MAPK11: variants seen among roughly 807,000 people sequenced by gnomAD.
The protein encoded by MAPK11 is MAP kinase 11.
Under a neutral mutation model 52.2 loss-of-function variants are expected in MAPK11, and 44 were observed. The ratio of observed to expected loss-of-function variants is 0.84; its 90% CI spans 0.66 to 1.08. MAPK11 has a LOEUF of 1.08. MAPK11 is among the 50% of genes least tolerant of loss of function. MAPK11 has a pLI of 0.00. For missense variants in MAPK11, 436 were observed against 494.7 expected, an observed-to-expected ratio of 0.88 and a Z score of 1.13; for synonymous variants, 233 against 206.3, an observed-to-expected ratio of 1.13 and a Z score of -1.11.
chr22:50,266,396 C>T, intron 8 of MAPK11, 91 bp from the exon 9 acceptor site: 1 of 1,428,296 alleles, frequency 7.0e-7, no homozygotes, highest in Non-Finnish European at 9.5e-7. Flanking sequence ...AGAGCCCGCT[C>T]TCCTATAGGT....
At chr22:50,269,565 G>A (rs2065291775) in intron 1 of MAPK11, among the ~76,000 whole-genome samples, 2 of 152,224 alleles carry the variant, frequency 1.3e-5, no homozygotes, top group South Asian at 2.1e-4. Flanking sequence ...GGCTACCCGG[G>A]TCTAACAGAG....
intron 6 of MAPK11, 39 bp from the exon 7 acceptor site, chr22:50,267,087 C>T (rs1316411212): frequency 1.2e-6 from 2 of 1,611,302 alleles, no homozygotes; most frequent in Admixed American, 1.7e-5. Flanking sequence ...TCCGCACGGG[C>T]TCCGCCGCCG....
rs763905592 is a variant in MAPK11 at position 50,270,301 on chromosome 22, C to T, written c.-9G>A. The T allele has an allele frequency of 8.0e-5, 101 of 1,267,724 alleles. No homozygotes were observed. In the East Asian group the frequency reaches 3.0e-3, roughly 38 times the overall value. 78.5% of individuals were successfully genotyped at this position (1,267,724 alleles called of 1,614,324 possible). A position where few individuals can be genotyped will look rare whatever the true frequency, so the allele number is the denominator to read the frequency against. On this transcript the variant is annotated 5_prime_UTR_variant, in exon 1 of 12. Transcript: ENST00000330651. This position sits in a 1 kb window ranked among gnomAD's most constrained non-coding sequence, Gnocchi z 6.3. Reference sequence around the variant, plus strand: ...GCGCGAGGGCCCGACATGTCCGGAGCAGCCGCCGCTCCGCCCGGGCCCAGC... The same window carrying T: ...GCGCGAGGGCCCGACATGTCCGGAGTAGCCGCCGCTCCGCCCGGGCCCAGC...
At chr22:50,269,432 T>C (rs2065290686) in intron 1 of MAPK11, among the ~76,000 whole-genome samples, 1 of 152,204 alleles carries the variant, frequency 6.6e-6, no homozygotes, top group South Asian at 2.1e-4. Flanking sequence ...TAAGCGGCAT[T>C]GGCCATGGTG....
In MAPK11 at chr22:50,270,141, G is replaced by T; in HGVS notation, c.116+36C>A. 1.8e-6 allele frequency: 2 copies of T among 1,110,598 alleles called. No individual in the cohort carries two copies. The highest frequency in any genetic ancestry group is 3.4e-5 in the East Asian group (1 of 29,592). The allele number at this position is 1,110,598 out of a possible 1,614,324, so 68.8% of individuals were successfully genotyped here. A position where few individuals can be genotyped will look rare whatever the true frequency, so the allele number is the denominator to read the frequency against. Reference sequence around the variant, plus strand: ...GGGGACGCGCTCTCCGGCCCGGCCCGGCCCCCACCCAGCACCCCTTCTGCC... The same window carrying T: ...GGGGACGCGCTCTCCGGCCCGGCCCTGCCCCCACCCAGCACCCCTTCTGCC... On this transcript the variant is annotated intron_variant, in intron 1 of 11. Coordinates refer to ENST00000330651, the MANE Select transcript of MAPK11 (RefSeq NM_002751.7). This position sits in a 1 kb window ranked among gnomAD's most constrained non-coding sequence, Gnocchi z 6.3.
Position 50,266,543 on chromosome 22 carries a change from C to T in MAPK11, c.679G>A (p.Asp227Asn), listed in dbSNP as rs763646740. ...CCCCAACCTGGGCCAAGGATACAGT[C>T]GCTTCCCGGGAAGAGGGCCTTGCCC... ...LQGKALFPGSDYIDQLKRIME... is the reference protein window; with the variant it reads ...LQGKALFPGSNYIDQLKRIME... The change falls in exon 8 of 12, where the codon GAC becomes AAC. Residue 227 changes from aspartate (D) to asparagine (N), a missense_variant. By Grantham distance (23) the Asp-to-Asn change is conservative (BLOSUM62 1). Coordinates refer to ENST00000330651, the MANE Select transcript of MAPK11 (RefSeq NM_002751.7). 7 of 1,518,024 alleles carry T rather than the reference C, an allele frequency of 4.6e-6. No homozygotes were observed. In the East Asian group the frequency reaches 6.8e-5, roughly 15 times the overall value. The allele number at this position is 1,518,024 out of a possible 1,614,324, so 94.0% of individuals were successfully genotyped here. A position where few individuals can be genotyped will look rare whatever the true frequency, so the allele number is the denominator to read the frequency against.
In MAPK11 at chr22:50,264,763, GCACATGTACACA is replaced by G; in HGVS notation, c.*173_*184del. 3.5e-6 allele frequency: 2 copies of G among 569,950 alleles called. No individual in the cohort carries two copies. Among genetic ancestry groups the G allele is most frequent in the Non-Finnish European group, 6.3e-6 (2 of 317,662 alleles). The allele number at this position is 569,950 out of a possible 1,614,324, so 35.3% of individuals were successfully genotyped here. On this transcript the variant is annotated 3_prime_UTR_variant, in exon 12 of 12. Transcript: ENST00000330651. ...GTGCCCAGACTCCTACACATGGCAA[GCACATGTACACA>G]CATGTTTGTGCATGCATACATGCGT... is the stretch of plus-strand genomic sequence containing the variant.
At chr22:50,268,362 A>C (rs2147271875) in intron 1 of MAPK11, among the ~76,000 whole-genome samples, 1 of 152,312 alleles carries the variant, frequency 6.6e-6, no homozygotes, top group Middle Eastern at 3.4e-3. Context: ...CCATGGGCCC[A>C]GGAGGCTCAC....
In MAPK11 at chr22:50,267,592, C is replaced by T; in HGVS notation, c.282G>A (p.Thr94=). ...IGLLDVFTPA[T]SIEDFSEVYL... ...ACACTTCGCTGAAGTCCTCGATGGA[C>T]GTGGCCGGCGTGAAGACGTCCAGAA... Residue 94 remains threonine (T), a synonymous_variant, in exon 3 of 12, where the codon ACG becomes ACA. Transcript: ENST00000330651. 6.5e-7 allele frequency: 1 copy of T among 1,545,002 alleles called. No individual in the cohort carries two copies. Among genetic ancestry groups the T allele is most frequent in the Non-Finnish European group, 8.7e-7 (1 of 1,145,470 alleles).
Position 50,270,353 on chromosome 22 carries a change from C to T in MAPK11, c.-61G>A. ...CCGCGCCCCGCGCCCGCGCCCGAGCCGAGCCCGAGCCGAGCGGAGCGGAGG... is the reference window on the plus strand; with the variant it reads ...CCGCGCCCCGCGCCCGCGCCCGAGCTGAGCCCGAGCCGAGCGGAGCGGAGG... On this transcript the variant is annotated 5_prime_UTR_variant, in exon 1 of 12. Transcript: ENST00000330651. The surrounding 1 kb of genome is among the most constrained non-coding windows in gnomAD (Gnocchi z 6.3). 1.6e-6 allele frequency: 1 copy of T among 620,278 alleles called. No homozygotes were observed. The highest frequency in any genetic ancestry group is 8.9e-5 in the East Asian group (1 of 11,258). 38.4% of individuals were successfully genotyped at this position (620,278 alleles called of 1,614,324 possible). A position where few individuals can be genotyped will look rare whatever the true frequency, so the allele number is the denominator to read the frequency against.
chr22:50,267,036 C>T lies in MAPK11; in HGVS notation c.508G>A (p.Gly170Arg), dbSNP rs780471725. 3 of 1,612,078 alleles carry T rather than the reference C, an allele frequency of 1.9e-6. No homozygotes were observed. The highest frequency in any genetic ancestry group is 1.1e-5 in the South Asian group (1 of 91,072). Residue 170 changes from glycine (G) to arginine (R), a missense_variant, in exon 7 of 12, where the codon GGG becomes AGG. Gly to Arg is a moderately radical substitution (Grantham distance 125). Transcript: ENST00000330651. ...EDCELRILDF[G>R]LARQADEEMT... Reference sequence around the variant, plus strand: ...TCCTCGTCCGCCTGGCGCGCCAGCCCAAAATCCAGGATCTGGGGCGACCAC... The same window carrying T: ...TCCTCGTCCGCCTGGCGCGCCAGCCTAAAATCCAGGATCTGGGGCGACCAC...
chr22:50,264,874 G>A lies in MAPK11; in HGVS notation c.*74C>T. 4.7e-6 allele frequency: 6 copies of A among 1,280,102 alleles called. No homozygotes were observed. The highest frequency in any genetic ancestry group is 1.1e-6 in the Non-Finnish European group (1 of 909,416). The allele number at this position is 1,280,102 out of a possible 1,614,324, so 79.3% of individuals were successfully genotyped here. Reference sequence around the variant, plus strand: ...TAGGAGTGTGGGAGGTGCCTCTCGAGGAAACCAGGCCAGCTGTGGAAGGGT... The same window carrying A: ...TAGGAGTGTGGGAGGTGCCTCTCGAAGAAACCAGGCCAGCTGTGGAAGGGT... On this transcript the variant is annotated 3_prime_UTR_variant, in exon 12 of 12. Transcript: ENST00000330651.
Position 50,265,417 on chromosome 22 carries a change from A to T in MAPK11, c.919T>A (p.Tyr307Asn). The change falls in exon 11 of 12, where the codon TAC (tyrosine) becomes AAC (asparagine). Residue 307 changes from tyrosine to asparagine, a missense_variant. Physicochemically the swap from Tyr to Asn is moderately radical, Grantham distance 143 (BLOSUM62 -2). Coordinates refer to ENST00000330651, the MANE Select transcript of MAPK11 (RefSeq NM_002751.7). ...VSAAEALAHA[Y>N]FSQYHDPEDE... ...TCGGGGTCGTGGTACTGGCTGAAGT[A>T]GGCGTGGGCCAGTGCCTCAGCTGCA... 2 of 1,613,142 alleles carry T rather than the reference A, an allele frequency of 1.2e-6. No homozygotes were observed. The highest frequency in any genetic ancestry group is 1.7e-6 in the Non-Finnish European group (2 of 1,180,000).
intron 11 of MAPK11, 59 bp downstream of exon 11, chr22:50,265,262 C>T: frequency 6.3e-7 from 1 of 1,587,920 alleles, no homozygotes; most frequent in Non-Finnish European, 8.6e-7. Flanking sequence ...CATTTCCTGC[C>T]TCTGGGGAAA....
chr22:50,266,152 C>A, intron 9 of MAPK11, 74 bp downstream of exon 9: 1 of 1,282,744 alleles, frequency 7.8e-7, no homozygotes, highest in Non-Finnish European at 1.1e-6. Flanking sequence ...CGCATTTCCA[C>A]ACCACCCTCT....
At chr22:50,266,892 G>A (rs751497400) in intron 7 of MAPK11, 42 bp downstream of exon 7, 10 of 1,556,860 alleles carry the variant, frequency 6.4e-6, no homozygotes, top group South Asian at 1.1e-5. Context: ...AGGGCCAGAC[G>A]AGGCCCTTGG....
intron 1 of MAPK11, among the ~76,000 whole-genome samples, chr22:50,269,343 C>A (rs1349464426): frequency 2.0e-5 from 3 of 152,040 alleles, no homozygotes; most frequent in Admixed American, 1.3e-4. Context: ...CACTTCCAAC[C>A]TGCAAGTGCC....
chr22:50,267,250 C>G lies in MAPK11; in HGVS notation c.447+7G>C, dbSNP rs1235529430. ...GGACCCGACCCTCACCCTGCGGTCG[C>G]ACCTACCCGGTGGATGATCCCGGCC... On this transcript the variant is annotated splice_region_variant and intron_variant, in intron 5 of 11. Transcript: ENST00000330651. 6.2e-7 allele frequency: 1 copy of G among 1,607,326 alleles called. No individual in the cohort carries two copies. Among genetic ancestry groups the G allele is most frequent in the Non-Finnish European group, 8.5e-7 (1 of 1,178,566 alleles).
chr22:50,268,547 G>A (rs1055353260), intron 1 of MAPK11, among the ~76,000 whole-genome samples: 1 of 152,150 alleles, frequency 6.6e-6, no homozygotes, highest in Non-Finnish European at 1.5e-5. Context: ...ACAGCCCTTC[G>A]CCCAGCCCCA....
Sources: allele counts gnomAD v4.1 joint callset (sites outside exome capture counted in the v4.1 genomes callset), GRCh38; gene constraint gnomAD v4.1.1; non-coding constraint Gnocchi (gnomAD v3.1); transcripts MANE v1.5; gene names NCBI Gene and HGNC (gene_info 2026-07-23, HGNC 2026-07-21).